SHB: variants seen among roughly 807,000 people sequenced by gnomAD.
SHB encodes the protein SH2 domain-containing adapter protein B.
SHB carries 20 observed loss-of-function variants against 52.3 expected under a neutral mutation model. The observed-to-expected ratio is 0.38, with a 90% CI of 0.27 to 0.56. The LOEUF (loss-of-function observed/expected upper bound fraction) is 0.56, where lower values mean the gene tolerates loss of function less well. Among genes scored for constraint, SHB ranks in the 20% least tolerant of loss-of-function variants. SHB has a pLI of 0.71. For missense variants in SHB, 825 were observed against 723.3 expected, an observed-to-expected ratio of 1.14 and a Z score of -1.61; for synonymous variants, 397 against 316.5, an observed-to-expected ratio of 1.25 and a Z score of -2.70.
In SHB at chr9:38,062,519, GA is replaced by G. The variant is rs201979017; in HGVS notation, c.717+5409del. Among the ~76,000 whole-genome samples, 1,306 of 152,220 alleles carry G rather than the reference GA, an allele frequency of 8.6e-3. 16 individuals carry two copies. The highest frequency in any genetic ancestry group is 0.029 in the African/African-American group (1,199 of 41,530). ...CCTTATGCGCTCCTGCTTTTTCTTGGAACCCTGCTGCCGTCATATGAACATG... is the reference window on the plus strand; with the variant it reads ...CCTTATGCGCTCCTGCTTTTTCTTGGACCCTGCTGCCGTCATATGAACATG... On this transcript the variant is annotated intron_variant, in intron 1 of 5. Coordinates refer to ENST00000377707, the MANE Select transcript of SHB (RefSeq NM_003028.3).
At chr9:37,997,281 A>G (rs995802529) in intron 2 of SHB, among the ~76,000 whole-genome samples, 12 of 152,104 alleles carry the variant, frequency 7.9e-5, no homozygotes, top group African/African-American at 2.7e-4. Context: ...TAACTTCAGG[A>G]CCCAACTCAG....
intron 2 of SHB, among the ~76,000 whole-genome samples, chr9:37,993,367 T>C (rs181116942): frequency 2.6e-5 from 4 of 152,274 alleles, no homozygotes; most frequent in Non-Finnish European, 2.9e-5. Context: ...ACAGAAAATA[T>C]AACCTCAGTT....
chr9:37,952,644 G>A (rs1832579405), intron 4 of SHB, among the ~76,000 whole-genome samples: 1 of 152,178 alleles, frequency 6.6e-6, no homozygotes, highest in South Asian at 2.1e-4. Context: ...AGAGATGGAG[G>A]AATAATGGAT....
chr9:38,005,434 G>A (rs1007086062), intron 2 of SHB, among the ~76,000 whole-genome samples: 5 of 152,168 alleles, frequency 3.3e-5, no homozygotes, highest in African/African-American at 4.8e-5. Context: ...ATGGGGAAGA[G>A]CACTGAACCT....
At chr9:38,002,032 G>A (rs1821020360) in intron 2 of SHB, among the ~76,000 whole-genome samples, 1 of 152,144 alleles carries the variant, frequency 6.6e-6, no homozygotes, top group African/African-American at 2.4e-5. Context: ...AGGGACTGAT[G>A]TGATATAGCA....
chr9:37,993,316 G>A (rs777550218), intron 2 of SHB, among the ~76,000 whole-genome samples: 16 of 152,246 alleles, frequency 1.1e-4, no homozygotes, highest in Middle Eastern at 6.8e-3. Flanking sequence ...GAAGAAAAAC[G>A]AACTGAGCTA....
At chr9:38,026,818 T>A (rs955056107) in intron 1 of SHB, among the ~76,000 whole-genome samples, 1 of 152,124 alleles carries the variant, frequency 6.6e-6, no homozygotes, top group African/African-American at 2.4e-5. Context: ...GTCAAGCAGG[T>A]CTGTGATGGT....
chr9:38,031,861 A>G (rs940415269), intron 1 of SHB, among the ~76,000 whole-genome samples: 1 of 152,252 alleles, frequency 6.6e-6, no homozygotes, highest in Non-Finnish European at 1.5e-5. Flanking sequence ...ACTGAATCCC[A>G]GACTTACCCA....
intron 1 of SHB, among the ~76,000 whole-genome samples, chr9:38,063,805 T>C (rs1333855213): frequency 6.6e-6 from 1 of 151,996 alleles, no homozygotes; most frequent in African/African-American, 2.4e-5. Flanking sequence ...GTTTTTTTTT[T>C]TTTTTTTTTA....
chr9:37,984,918 G>A (rs777519249), intron 2 of SHB, among the ~76,000 whole-genome samples: 1 of 152,176 alleles, frequency 6.6e-6, no homozygotes, highest in Non-Finnish European at 1.5e-5. Flanking sequence ...AGGACGGCAA[G>A]GGCAAGGCAG....
chr9:37,977,302 T>G (rs1199979008), intron 2 of SHB, among the ~76,000 whole-genome samples: 1 of 151,708 alleles, frequency 6.6e-6, no homozygotes, highest in Admixed American at 6.6e-5. Flanking sequence ...TGCTGAGAGG[T>G]GAGATTTGCA....
At chr9:38,022,455 G>A (rs924026795) in intron 1 of SHB, among the ~76,000 whole-genome samples, 2 of 152,206 alleles carry the variant, frequency 1.3e-5, no homozygotes. Flanking sequence ...GATGGCCTGG[G>A]GCTCTTTGTC....
In SHB at chr9:37,918,800, G is replaced by A. The variant is rs898444173; in HGVS notation, c.*1021C>T. Among the ~76,000 whole-genome samples, 3 of 152,154 alleles carry A rather than the reference G, an allele frequency of 2.0e-5. No homozygotes were observed. Among genetic ancestry groups the A allele is most frequent in the Non-Finnish European group, 4.4e-5 (3 of 68,016 alleles). ...CAGCTGGGTGCTGTGTCCAGGGGTTGGGGGGGTGTCAACACAGACGTCCCA... is the reference window on the plus strand; with the variant it reads ...CAGCTGGGTGCTGTGTCCAGGGGTTAGGGGGGTGTCAACACAGACGTCCCA... On this transcript the variant is annotated 3_prime_UTR_variant, in exon 6 of 6. Coordinates refer to ENST00000377707, the MANE Select transcript of SHB (RefSeq NM_003028.3).
intron 3 of SHB, among the ~76,000 whole-genome samples, chr9:37,958,929 A>G (rs939297209): frequency 5.3e-5 from 8 of 152,176 alleles, no homozygotes; most frequent in Admixed American, 2.0e-4. Context: ...AGAGCCCTCC[A>G]TGGGTGACCT....
At chr9:38,026,579 C>A (rs566088307) in intron 1 of SHB, among the ~76,000 whole-genome samples, 1 of 152,342 alleles carries the variant, frequency 6.6e-6, no homozygotes, top group Admixed American at 6.5e-5. Context: ...CAATTACCAG[C>A]CCCATGTTTG....
At chr9:37,949,926 T>C (rs980602399) in intron 4 of SHB, among the ~76,000 whole-genome samples, 18 of 152,074 alleles carry the variant, frequency 1.2e-4, no homozygotes, top group Non-Finnish European at 2.1e-4. Flanking sequence ...GAGGAGGAAA[T>C]GGGAGCAATG....
At chr9:37,947,055 G>A (rs1029979528) in intron 5 of SHB, among the ~76,000 whole-genome samples, 4 of 152,170 alleles carry the variant, frequency 2.6e-5, no homozygotes, top group African/African-American at 9.7e-5. Flanking sequence ...CGCTCCTCTG[G>A]CTTTGGCCAC....
At position 38,068,662 on chromosome 9, in the gene SHB, G is replaced by GGA. The variant is rs1822011967; in HGVS notation, c.-18_-17insTC. 1.9e-5 allele frequency: 25 copies of GGA among 1,329,016 alleles called. No homozygotes were observed. Among genetic ancestry groups the GGA allele is most frequent in the Non-Finnish European group, 2.0e-5 (21 of 1,046,548 alleles). The allele number at this position is 1,329,016 out of a possible 1,614,324, so 82.3% of individuals were successfully genotyped here. On this transcript the variant is annotated 5_prime_UTR_variant, in exon 1 of 6. An upstream open reading frame in the 5' UTR loses its in-frame stop. Coordinates refer to ENST00000377707, the MANE Select transcript of SHB (RefSeq NM_003028.3). ...CTTGGCCATGGCGAGAGGCCGCCTAGGGCCGCGGCGCGGGAGCCCGGTCCG... is the reference window on the plus strand; with the variant it reads ...CTTGGCCATGGCGAGAGGCCGCCTAGGAGGCCGCGGCGCGGGAGCCCGGTCCG...
intron 1 of SHB, among the ~76,000 whole-genome samples, chr9:38,038,108 T>C (rs371376142): frequency 1.1e-4 from 17 of 152,062 alleles, no homozygotes; most frequent in East Asian, 5.8e-4. Context: ...ATAGCTTGGG[T>C]CTGGCTGTCC....
Sources: gnomAD v4.1 joint callset for allele counts (sites outside exome capture counted in the v4.1 genomes callset) on GRCh38, gnomAD v4.1.1 for gene constraint, MANE v1.5 for transcripts, NCBI Gene and HGNC (gene_info 2026-07-23, HGNC 2026-07-21) for gene names.